Variants in TET1 observed in about 807,000 individuals in gnomAD.
The protein encoded by TET1 is methylcytosine dioxygenase TET1.
TET1 carries 13 observed loss-of-function variants against 148.7 expected under a neutral mutation model. The ratio of observed to expected loss-of-function variants is 0.09; its 90% confidence interval spans 0.06 to 0.14. The LOEUF (loss-of-function observed/expected upper bound fraction) is 0.14. Ranked by LOEUF, TET1 falls within the 10% of genes least tolerant of loss-of-function variation. TET1 has a pLI of 1.00. For synonymous variants in TET1, 907 were observed against 937.2 expected (o/e 0.97, Z 0.59); for missense variants, 2,182 against 2,553.8 (o/e 0.85, Z 3.14).
chr10:68,626,740 C>T (rs983373884), intron 3 of TET1, among the ~76,000 whole-genome samples: 11 of 151,564 alleles, frequency 7.3e-5, no homozygotes, highest in South Asian at 2.1e-4. Flanking sequence ...TTGGTAGAGA[C>T]GGGGCTTCAC....
chr10:68,639,349 G>A (rs1426690529), intron 3 of TET1, among the ~76,000 whole-genome samples: 1 of 151,894 alleles, frequency 6.6e-6, no homozygotes, highest in East Asian at 1.9e-4. Context: ...TTGAAGCTGG[G>A]AGACGGAGGT....
At chr10:68,596,694 A>G (rs914270696) in intron 2 of TET1, among the ~76,000 whole-genome samples, 3 of 152,210 alleles carry the variant, frequency 2.0e-5, no homozygotes, top group Admixed American at 6.5e-5. Context: ...TGCTGTGTTC[A>G]AACAAGTATA....
chr10:68,574,816 G>A (rs1344727383), intron 2 of TET1, among the ~76,000 whole-genome samples: 1 of 152,108 alleles, frequency 6.6e-6, no homozygotes, highest in Non-Finnish European at 1.5e-5. Context: ...CAACCTCATA[G>A]GGTTGTTGGG....
At chr10:68,585,809 A>G (rs2132825946) in intron 2 of TET1, among the ~76,000 whole-genome samples, 1 of 151,974 alleles carries the variant, frequency 6.6e-6, no homozygotes, top group Non-Finnish European at 1.5e-5. Flanking sequence ...AGAGATTGAG[A>G]CCATCCTGGC....
chr10:68,576,348 CAAAA>C (rs374850664), intron 2 of TET1, among the ~76,000 whole-genome samples: 7 of 131,440 alleles, frequency 5.3e-5, no homozygotes, highest in Non-Finnish European at 3.2e-5. Flanking sequence ...GACCCTGTCT[CAAAA>C]AAAAAAAAAA....
At chr10:68,680,352 C>G (rs1297596337) in intron 8 of TET1, among the ~76,000 whole-genome samples, 1 of 152,038 alleles carries the variant, frequency 6.6e-6, no homozygotes, top group Admixed American at 6.5e-5. Context: ...ACGTGTTTTT[C>G]TTTTTTGAGA....
At chr10:68,589,088 A>C (rs1012774576) in intron 2 of TET1, among the ~76,000 whole-genome samples, 1 of 152,064 alleles carries the variant, frequency 6.6e-6, no homozygotes, top group African/African-American at 2.4e-5. Flanking sequence ...GCACCACTGC[A>C]CAGCAACCTG....
At chr10:68,635,944 A>C (rs1324628666) in intron 3 of TET1, among the ~76,000 whole-genome samples, 1 of 152,232 alleles carries the variant, frequency 6.6e-6, no homozygotes, top group Non-Finnish European at 1.5e-5. Context: ...AGAGAGTTTT[A>C]AGTGAAAATT....
At chr10:68,563,338 G>C (rs1192584634) in intron 1 of TET1, among the ~76,000 whole-genome samples, 3 of 152,224 alleles carry the variant, frequency 2.0e-5, no homozygotes, top group East Asian at 1.9e-4. Context: ...TCTTCCTTTC[G>C]AGGTAGAACT....
chr10:68,679,871 AC>A (rs2055413140), intron 8 of TET1, among the ~76,000 whole-genome samples: 1 of 152,104 alleles, frequency 6.6e-6, no homozygotes, highest in Non-Finnish European at 1.5e-5. Flanking sequence ...GCTGGGTTTC[AC>A]CTTGTTGGCC....
At chr10:68,678,531 C>CT (rs1299900037) in intron 8 of TET1, among the ~76,000 whole-genome samples, 8 of 152,144 alleles carry the variant, frequency 5.3e-5, no homozygotes, top group Non-Finnish European at 1.0e-4. Flanking sequence ...AGGTGGATCA[C>CT]TTGAGGTCAG....
intron 6 of TET1, among the ~76,000 whole-genome samples, chr10:68,658,757 T>C (rs911297710): frequency 6.6e-6 from 1 of 152,176 alleles, no homozygotes; most frequent in Admixed American, 6.5e-5. Flanking sequence ...GTTTCTTAGA[T>C]GCACCTTAGA....
chr10:68,642,994 G>A (rs925059532), intron 3 of TET1, among the ~76,000 whole-genome samples: 18 of 152,114 alleles, frequency 1.2e-4, no homozygotes, highest in African/African-American at 3.9e-4. Flanking sequence ...GCAGCGGCTC[G>A]TGTCTGTAAC....
rs1564958910 is a variant in TET1, at chr10:68,595,975, C to CAT, written c.1915-5005_1915-5004insTA. On this transcript the variant is annotated intron_variant, in intron 2 of 11. Transcript: ENST00000373644. Reference sequence around the variant, plus strand: ...ATATATATATATACACACACACACACACATATATACACACACACACACACA... The same window carrying CAT: ...ATATATATATATACACACACACACACATACATATATACACACACACACACACA... 1.5e-3 allele frequency among the ~76,000 whole-genome samples: 69 copies of CAT among 45,782 alleles called. 2 individuals are homozygous for CAT. Among genetic ancestry groups the CAT allele is most frequent in the Non-Finnish European group, 2.4e-3 (57 of 23,720 alleles). 30.0% of individuals were successfully genotyped at this position (45,782 alleles called of 152,430 possible).
At chr10:68,638,943 G>A (rs1428608909) in intron 3 of TET1, among the ~76,000 whole-genome samples, 4 of 151,980 alleles carry the variant, frequency 2.6e-5, no homozygotes, top group Non-Finnish European at 4.4e-5. Context: ...AATGGAGAGG[G>A]CGTAGGAACT....
intron 3 of TET1, among the ~76,000 whole-genome samples, chr10:68,619,259 C>G (rs756953218): frequency 3.3e-5 from 5 of 152,090 alleles, no homozygotes; most frequent in Non-Finnish European, 7.4e-5. Flanking sequence ...GAGCCAGAGT[C>G]TCTATCACCC....
At chr10:68,569,273 C>T (rs570283866) in intron 1 of TET1, among the ~76,000 whole-genome samples, 297 of 147,926 alleles carry the variant, frequency 2.0e-3, no homozygotes, top group African/African-American at 6.7e-3. Flanking sequence ...CCCGGGTTCA[C>T]GCCATTCTCC....
intron 3 of TET1, among the ~76,000 whole-genome samples, chr10:68,607,355 T>C (rs1330948309): frequency 6.6e-6 from 1 of 152,062 alleles, no homozygotes; most frequent in African/African-American, 2.4e-5. Flanking sequence ...TTCTCATGAG[T>C]CAGATGAAAA....
intron 1 of TET1, among the ~76,000 whole-genome samples, chr10:68,566,182 A>G (rs983308635): frequency 2.0e-5 from 3 of 152,218 alleles, no homozygotes; most frequent in African/African-American, 7.2e-5. Context: ...TTGCCTACAT[A>G]TATGAATTTT....
Sources: allele counts gnomAD v4.1 joint callset (sites outside exome capture counted in the v4.1 genomes callset), GRCh38; gene constraint gnomAD v4.1.1; transcripts MANE v1.5; gene names NCBI Gene and HGNC (gene_info 2026-07-23, HGNC 2026-07-21).